The following ZYG11B variants were observed in gnomAD, a reference collection of about 807,000 sequenced individuals.
The protein encoded by ZYG11B is zyg-11 family member B, cell cycle regulator.
A neutral mutation model predicts 82.4 loss-of-function variants in ZYG11B; 36 were observed. The ratio of observed to expected loss-of-function variants is 0.44; its 90% CI spans 0.33 to 0.58. The LOEUF (loss-of-function observed/expected upper bound fraction) is 0.58, where lower values mean the gene tolerates loss of function less well. ZYG11B is among the 20% of genes least tolerant of loss of function. The probability of loss-of-function intolerance (pLI) is 0.02; values close to 1 mark genes in which losing one functional copy is unlikely to be tolerated. For missense variants in ZYG11B, 552 were observed against 895.6 expected, an observed-to-expected ratio of 0.62 and a Z score of 4.90; for synonymous variants, 303 against 312.8, an observed-to-expected ratio of 0.97 and a Z score of 0.33.
intron 1 of ZYG11B, among the ~76,000 whole-genome samples, chr1:52,741,936 C>G (rs540491511): frequency 9.8e-5 from 15 of 152,290 alleles, no homozygotes; most frequent in African/African-American, 2.6e-4. Context: ...AGCCCACACT[C>G]TTCATCATAG....
intron 4 of ZYG11B, among the ~76,000 whole-genome samples, chr1:52,783,882 A>ATGTATATACACGTGTGTG (rs74208826): frequency 7.9e-6 from 1 of 126,012 alleles, no homozygotes; most frequent in African/African-American, 3.5e-5. Flanking sequence ...ACGTGTGTGT[A>ATGTATATACACGTGTGTG]TATGTACATA....
At chr1:52,813,830 A>G (rs1280381542) in intron 11 of ZYG11B, 30 bp from the exon 12 acceptor site, 2 of 1,613,800 alleles carry the variant, frequency 1.2e-6, no homozygotes, top group African/African-American at 2.7e-5. Flanking sequence ...AAATATTGTA[A>G]TCCTTTCTTG....
At chr1:52,761,572 T>G (rs1366025375) in intron 2 of ZYG11B, among the ~76,000 whole-genome samples, 2 of 152,248 alleles carry the variant, frequency 1.3e-5, no homozygotes, top group East Asian at 3.8e-4. Context: ...CACATGTTCT[T>G]TATTCATTCA....
intron 1 of ZYG11B, among the ~76,000 whole-genome samples, chr1:52,752,739 C>T (rs1357865352): frequency 1.5e-5 from 2 of 133,032 alleles, no homozygotes; most frequent in South Asian, 2.4e-4. Context: ...TGTCAGAATT[C>T]GAATTGAATT....
intron 1 of ZYG11B, among the ~76,000 whole-genome samples, chr1:52,746,133 A>AT (rs1014872558): frequency 3.3e-5 from 5 of 150,704 alleles, no homozygotes; most frequent in East Asian, 3.9e-4. Flanking sequence ...AATTTTTTGT[A>AT]TTTTTTTTAG....
Position 52,821,409 on chromosome 1 carries a change from G to A in ZYG11B, c.2045-30G>A, listed in dbSNP as rs780982600. ...TGTTTTAAGAAAAGCTATTTCTCCT[G>A]TTTTGTGTGTGTTTTTTTTTCTTTT... On this transcript the variant is annotated intron_variant, in intron 13 of 13. Coordinates refer to ENST00000294353, the MANE Select transcript of ZYG11B (RefSeq NM_024646.3). The A allele has an allele frequency of 3.9e-5, 60 of 1,534,284 alleles. No individual in the cohort carries two copies. In the Middle Eastern group the frequency reaches 4.7e-3, roughly 120 times the overall value.
At chr1:52,772,590 C>A in intron 3 of ZYG11B, 1 of 1,513,182 alleles carries the variant, frequency 6.6e-7, no homozygotes, top group Non-Finnish European at 9.2e-7. Flanking sequence ...GGGGAAGCTG[C>A]GTCGATAGGG....
intron 6 of ZYG11B, among the ~76,000 whole-genome samples, chr1:52,790,699 C>G (rs1473516757): frequency 4.0e-5 from 4 of 101,018 alleles, no homozygotes; most frequent in Non-Finnish European, 6.9e-5. Flanking sequence ...GCCTGGGTGA[C>G]AGGGCAAGAC....
At chr1:52,783,021 T>C (rs529807224) in intron 4 of ZYG11B, among the ~76,000 whole-genome samples, 3 of 151,136 alleles carry the variant, frequency 2.0e-5, no homozygotes, top group Admixed American at 1.3e-4. Context: ...CTGCTTCCCA[T>C]GTTCAAGCGA....
At chr1:52,768,397 C>T (rs1417318733) in intron 2 of ZYG11B, among the ~76,000 whole-genome samples, 1 of 152,162 alleles carries the variant, frequency 6.6e-6, no homozygotes, top group African/African-American at 2.4e-5. Flanking sequence ...TCCAGCTCAC[C>T]TTCAGCCTCA....
Position 52,726,594 on chromosome 1 carries a change from C to T in ZYG11B, c.-60C>T. 1.5e-6 allele frequency: 2 copies of T among 1,367,034 alleles called. No individual in the cohort carries two copies. Among genetic ancestry groups the T allele is most frequent in the South Asian group, 1.7e-5 (1 of 58,214 alleles). The allele number at this position is 1,367,034 out of a possible 1,614,324, so 84.7% of individuals were successfully genotyped here. The stretch of plus-strand genomic sequence containing the variant: ...CCGGAGCCTCCTGGAGCCTCCGCGC[C>T]GGCTCAGCCTGGGGGCGGGCTCCGG... On this transcript the variant is annotated 5_prime_UTR_variant, in exon 1 of 14. Transcript: ENST00000294353.
chr1:52,820,355 G>A (rs1645272629), intron 13 of ZYG11B, among the ~76,000 whole-genome samples: 2 of 151,626 alleles, frequency 1.3e-5, no homozygotes, highest in South Asian at 2.1e-4. Flanking sequence ...GTATTAAAAT[G>A]TTTTAATGTG....
chr1:52,774,550 G>T (rs1231414322), intron 3 of ZYG11B, among the ~76,000 whole-genome samples: 1 of 147,544 alleles, frequency 6.8e-6, no homozygotes, highest in Non-Finnish European at 1.5e-5. Context: ...CAGGTGATCT[G>T]CCTGCCTCGG....
intron 13 of ZYG11B, among the ~76,000 whole-genome samples, chr1:52,819,124 G>C (rs1431380880): frequency 6.6e-6 from 1 of 152,068 alleles, no homozygotes; most frequent in Non-Finnish European, 1.5e-5. Flanking sequence ...CCACAAAAAG[G>C]CAATGCAGTA....
chr1:52,742,623 A>C (rs1644440201), intron 1 of ZYG11B, among the ~76,000 whole-genome samples: 1 of 152,074 alleles, frequency 6.6e-6, no homozygotes, highest in South Asian at 2.1e-4. Flanking sequence ...CGGGCGGATC[A>C]CGAGGTCAGG....
chr1:52,785,073 T>C lies in ZYG11B; in HGVS notation c.1269+20T>C. 6 of 1,608,648 alleles carry C rather than the reference T, an allele frequency of 3.7e-6. No homozygotes were observed. Among genetic ancestry groups the C allele is most frequent in the Non-Finnish European group, 4.2e-6 (5 of 1,178,086 alleles). ...CAGCAGGTAAGCTTATGTGAATTCC[T>C]TTTCAAATAGTCCTTGTAGTGTCTT... On this transcript the variant is annotated intron_variant, in intron 5 of 13. Transcript: ENST00000294353.
rs1160675652 is a variant in ZYG11B, at chr1:52,826,180, T to A, written c.*4551T>A. The A allele has an allele frequency of 6.6e-6, 1 of 152,198 alleles. No individual in the cohort carries two copies. The highest frequency in any genetic ancestry group is 1.5e-5 in the Non-Finnish European group (1 of 68,040). The allele number at this position is 152,198 out of a possible 1,614,324, so 9.4% of individuals were successfully genotyped here. A position where few individuals can be genotyped will look rare whatever the true frequency, so the allele number is the denominator to read the frequency against. On this transcript the variant is annotated 3_prime_UTR_variant, in exon 14 of 14. Coordinates refer to ENST00000294353, the MANE Select transcript of ZYG11B (RefSeq NM_024646.3). ...TTTGAGCTGATGTAGGCTCTTCCAC[T>A]TTTATCTGTATTTTACTTATTTGGG...
chr1:52,808,859 TC>T (rs746363151), intron 10 of ZYG11B, among the ~76,000 whole-genome samples: 1 of 152,224 alleles, frequency 6.6e-6, no homozygotes, highest in African/African-American at 2.4e-5. Context: ...ATATTTTTTT[TC>T]ATCTGCAATA....
At chr1:52,812,897 T>A (rs900744253) in intron 10 of ZYG11B, among the ~76,000 whole-genome samples, 11 of 148,670 alleles carry the variant, frequency 7.4e-5, no homozygotes, top group Middle Eastern at 3.9e-3. Flanking sequence ...TGGCTAATTT[T>A]TGTGTATTTA....
Sources: gnomAD v4.1 joint callset for allele counts (sites outside exome capture counted in the v4.1 genomes callset) on GRCh38, gnomAD v4.1.1 for gene constraint, MANE v1.5 for transcripts, NCBI Gene and HGNC (gene_info 2026-07-23, HGNC 2026-07-21) for gene names.